The following NTRK2 variants were observed in gnomAD, a reference collection of about 807,000 sequenced individuals.
The protein encoded by NTRK2 is BDNF/NT-3 growth factors receptor.
NTRK2 carries 13 observed loss-of-function variants against 94.5 expected under a neutral mutation model. The ratio of observed to expected loss-of-function variants is 0.14; its 90% confidence interval spans 0.09 to 0.22. NTRK2 has a LOEUF of 0.22. Among genes scored for constraint, NTRK2 ranks in the 10% least tolerant of loss-of-function variants. NTRK2 has a pLI of 1.00. For missense variants in NTRK2, 639 were observed against 1,071.2 expected (o/e 0.60, Z 5.63); for synonymous variants, 372 against 407.4 (o/e 0.91, Z 1.05).
intron 17 of NTRK2, among the ~76,000 whole-genome samples, chr9:85,004,055 G>GAAAAGAAAGAAAGAAAGAAAGAAAGA (rs1564542269): frequency 4.7e-4 from 16 of 34,180 alleles, no homozygotes; most frequent in Non-Finnish European, 5.9e-4. Flanking sequence ...GGGAGAAAGA[G>GAAAAGAAAGAAAGAAAGAAAGAAAGA]AAAGAAAGGA....
chr9:85,015,239 A>G (rs1254805193), intron 17 of NTRK2, among the ~76,000 whole-genome samples: 2 of 152,206 alleles, frequency 1.3e-5, no homozygotes, highest in Non-Finnish European at 2.9e-5. Context: ...AGTCTGCAAC[A>G]TGGACACTCC....
chr9:84,895,224 G>A (rs2076724134), intron 14 of NTRK2, among the ~76,000 whole-genome samples: 1 of 152,152 alleles, frequency 6.6e-6, no homozygotes. Context: ...AATTATTTGG[G>A]TACAGAGATT....
chr9:84,935,226 A>G (rs2078176466), intron 15 of NTRK2, among the ~76,000 whole-genome samples: 1 of 152,204 alleles, frequency 6.6e-6, no homozygotes. Context: ...TATTTCTGCC[A>G]AACAGGAAAC....
At chr9:84,825,368 A>G (rs1474138888) in intron 12 of NTRK2, among the ~76,000 whole-genome samples, 1 of 152,108 alleles carries the variant, frequency 6.6e-6, no homozygotes, top group East Asian at 1.9e-4. Context: ...AAGCTTCTCA[A>G]AAGAGCATCC....
chr9:85,005,789 A>C (rs1344505655), intron 17 of NTRK2, among the ~76,000 whole-genome samples: 1 of 152,178 alleles, frequency 6.6e-6, no homozygotes, highest in Non-Finnish European at 1.5e-5. Context: ...ATCTCTGCTT[A>C]GCTATCACCT....
At position 84,969,726 on chromosome 9, in the gene NTRK2, C is replaced by T. The variant is rs181904335; in HGVS notation, c.2172+14209C>T. On this transcript the variant is annotated intron_variant, in intron 17 of 18. Transcript: ENST00000277120. ...ATGGGTGACAACTTCACAGATTCTGCCAATCCTAAGAGATGCTAAATTTTT... is the reference window on the plus strand; with the variant it reads ...ATGGGTGACAACTTCACAGATTCTGTCAATCCTAAGAGATGCTAAATTTTT... Among the ~76,000 whole-genome samples the T allele has an allele frequency of 9.2e-5, 14 of 152,232 alleles. No individual in the cohort carries two copies. The East Asian group carries it at 2.7e-3, about 29-fold the overall frequency.
intron 12 of NTRK2, among the ~76,000 whole-genome samples, chr9:84,858,382 A>C (rs888187268): frequency 6.6e-6 from 1 of 151,660 alleles, no homozygotes; most frequent in African/African-American, 2.4e-5. Context: ...GATTTTCACT[A>C]TAATATCCAA....
At chr9:84,873,510 C>T (rs200812968) in intron 14 of NTRK2, 1 of 1,058,984 alleles carries the variant, frequency 9.4e-7, no homozygotes, top group Non-Finnish European at 1.1e-6. Context: ...ACGGCCCCCC[C>T]ATTGCTAGCT....
At chr9:84,771,255 G>GGCTCTCC (rs1054536604) in intron 12 of NTRK2, among the ~76,000 whole-genome samples, 22 of 152,104 alleles carry the variant, frequency 1.4e-4, no homozygotes, top group Non-Finnish European at 1.9e-4. Flanking sequence ...TTTCTTTCGT[G>GGCTCTCC]GCTCTCCCTT....
intron 17 of NTRK2, among the ~76,000 whole-genome samples, chr9:84,985,441 T>C (rs1828176655): frequency 6.6e-6 from 1 of 152,214 alleles, no homozygotes; most frequent in Non-Finnish European, 1.5e-5. Context: ...ACACCATCAA[T>C]ACATGCTGAA....
intron 12 of NTRK2, among the ~76,000 whole-genome samples, chr9:84,782,715 G>T (rs996284730): frequency 2.6e-5 from 4 of 152,140 alleles, no homozygotes; most frequent in Non-Finnish European, 5.9e-5. Context: ...ATTTTCCGAG[G>T]CAGTGACGTT....
chr9:84,757,670 A>G (rs1025683824), intron 12 of NTRK2, among the ~76,000 whole-genome samples: 7 of 152,244 alleles, frequency 4.6e-5, no homozygotes, highest in Non-Finnish European at 8.8e-5. Context: ...GCTTATATAT[A>G]TAAACCACTT....
chr9:84,747,580 C>A (rs980461336), intron 11 of NTRK2, among the ~76,000 whole-genome samples: 1 of 150,228 alleles, frequency 6.7e-6, no homozygotes, highest in Non-Finnish European at 1.5e-5. Flanking sequence ...CGGGTTCATG[C>A]CATTCTCCTG....
chr9:84,870,845 A>G (rs940515944), intron 14 of NTRK2, among the ~76,000 whole-genome samples: 2 of 152,152 alleles, frequency 1.3e-5, no homozygotes, highest in Non-Finnish European at 2.9e-5. Context: ...TGGCCTATTT[A>G]CTTCTCTTTC....
At chr9:84,785,360 A>G (rs1245023643) in intron 12 of NTRK2, among the ~76,000 whole-genome samples, 2 of 152,218 alleles carry the variant, frequency 1.3e-5, no homozygotes, top group Non-Finnish European at 2.9e-5. Flanking sequence ...TAGTTGGAAG[A>G]CAGAGGATCT....
intron 12 of NTRK2, among the ~76,000 whole-genome samples, chr9:84,843,660 G>C (rs1419038698): frequency 6.6e-6 from 1 of 152,200 alleles, no homozygotes; most frequent in Non-Finnish European, 1.5e-5. Flanking sequence ...AAGTCAGGGA[G>C]TGTTGCAACG....
rs141725149 is a variant in NTRK2, at chr9:85,022,300, T to C, written c.*863T>C. On this transcript the variant is annotated 3_prime_UTR_variant, in exon 19 of 19. Transcript: ENST00000277120. ...TTTCCCATCACCAGAAATGATAGCG[T>C]GCAGTAGAGAGCAAAGATGGCTTCC... 2 of 233,132 alleles carry C rather than the reference T, an allele frequency of 8.6e-6. No homozygotes were observed. Among genetic ancestry groups the C allele is most frequent in the African/African-American group, 2.2e-5 (1 of 45,362 alleles). 14.4% of individuals were successfully genotyped at this position (233,132 alleles called of 1,614,324 possible).
intron 2 of NTRK2, among the ~76,000 whole-genome samples, chr9:84,701,619 G>A (rs1304704869): frequency 6.6e-6 from 1 of 152,138 alleles, no homozygotes; most frequent in Non-Finnish European, 1.5e-5. Context: ...GATTGATACT[G>A]TTACTGACAA....
chr9:84,832,171 G>T (rs552427680), intron 12 of NTRK2, among the ~76,000 whole-genome samples: 18 of 152,254 alleles, frequency 1.2e-4, no homozygotes, highest in African/African-American at 4.3e-4. Flanking sequence ...GAAACCTAGT[G>T]GCTTTCTTAG....
Sources: gnomAD v4.1 joint callset for allele counts (sites outside exome capture counted in the v4.1 genomes callset) on GRCh38, gnomAD v4.1.1 for gene constraint, MANE v1.5 for transcripts, NCBI Gene and HGNC (gene_info 2026-07-23, HGNC 2026-07-21) for gene names.